The following RGPD3 variants were observed in gnomAD, a reference collection of about 807,000 sequenced individuals.
The protein encoded by RGPD3 is ranBP2-like and GRIP domain-containing protein 3.
In RGPD3, 62 loss-of-function variants were observed where a neutral mutation model predicts 154.5. The ratio of observed to expected loss-of-function variants is 0.40; its 90% CI spans 0.33 to 0.50. The LOEUF (loss-of-function observed/expected upper bound fraction) is 0.50. Ranked by LOEUF, RGPD3 falls within the 20% of genes least tolerant of loss-of-function variation. RGPD3 has a pLI of 0.59. For synonymous variants in RGPD3, 308 were observed against 607.0 expected (o/e 0.51, Z 7.24); for missense variants, 919 against 1,716.8 (o/e 0.54, Z 8.21).
intron 3 of RGPD3, 38 bp from the exon 4 acceptor site, chr2:106,457,161 T>A (rs1218753876): frequency 1.3e-6 from 2 of 1,590,050 alleles, no homozygotes; most frequent in South Asian, 2.3e-5. Flanking sequence ...AGTAAATAAA[T>A]TGTATGTATG....
At chr2:106,442,619 A>C (rs1677785868) in intron 7 of RGPD3, among the ~76,000 whole-genome samples, 1 of 113,274 alleles carries the variant, frequency 8.8e-6, no homozygotes, top group Non-Finnish European at 1.8e-5. Context: ...AACAGGTAGA[A>C]GGCTTGAAGA....
At chr2:106,467,828 G>A (rs1394838998) in intron 1 of RGPD3, among the ~76,000 whole-genome samples, 5 of 139,012 alleles carry the variant, frequency 3.6e-5, no homozygotes, top group Admixed American at 1.4e-4. Flanking sequence ...AACAGAGCGC[G>A]CCAGGGAGCA....
Position 106,423,856 on chromosome 2 carries a change from C to G in RGPD3, c.4111G>C (p.Val1371Leu). ...ATGCCCCTTTCTTTCCATTGACCAACATCTTTATCATATCTGTAGAATTCT... is the reference window on the plus strand; with the variant it reads ...ATGCCCCTTTCTTTCCATTGACCAAGATCTTTATCATATCTGTAGAATTCT... ...RAEFYRYDKD[V>L]GQWKERGIGD... The change falls in exon 20 of 23, where the codon GTT becomes CTT. Residue 1371 changes from valine (V) to leucine (L), a missense_variant. Coordinates refer to ENST00000409886, the MANE Select transcript of RGPD3 (RefSeq NM_001144013.2). 1 of 1,611,968 alleles carries G rather than the reference C, an allele frequency of 6.2e-7. No homozygotes were observed. The highest frequency in any genetic ancestry group is 8.5e-7 in the Non-Finnish European group (1 of 1,179,868).
At chr2:106,467,706 GC>G (rs1678672922) in intron 1 of RGPD3, among the ~76,000 whole-genome samples, 1 of 143,844 alleles carries the variant, frequency 7.0e-6, no homozygotes, top group East Asian at 2.1e-4. Context: ...CAGCCGCCGG[GC>G]CAGGTCGAGG....
chr2:106,444,091 A>G (rs1378982201), intron 7 of RGPD3, among the ~76,000 whole-genome samples: 1 of 131,922 alleles, frequency 7.6e-6, no homozygotes, highest in African/African-American at 2.9e-5. Flanking sequence ...TCCTCTGATT[A>G]AGAGTCTGAA....
rs1235419414 is a variant in RGPD3, at chr2:106,403,697, G to C, written c.*1522C>G. Among the ~76,000 whole-genome samples the C allele has an allele frequency of 6.6e-6, 1 of 152,268 alleles. No individual in the cohort carries two copies. The highest frequency in any genetic ancestry group is 1.5e-5 in the Non-Finnish European group (1 of 68,056). ...TAAAAAAACTAAACTCTTCATGTCG[G>C]CTCTGAAATAGATGCATTTTCATTC... is the stretch of plus-strand genomic sequence containing the variant. On this transcript the variant is annotated 3_prime_UTR_variant, in exon 23 of 23. Transcript: ENST00000409886.
chr2:106,450,662 C>T (rs1340639112), intron 6 of RGPD3, among the ~76,000 whole-genome samples: 8 of 93,380 alleles, frequency 8.6e-5, no homozygotes, highest in African/African-American at 1.3e-4. Context: ...GCCGAGATTG[C>T]GCCACTGTAC....
At chr2:106,411,008 TA>T (rs1480084673) in intron 22 of RGPD3, among the ~76,000 whole-genome samples, 3 of 150,046 alleles carry the variant, frequency 2.0e-5, no homozygotes, top group African/African-American at 4.9e-5. Context: ...AGTATGTCTG[TA>T]AAAAAAATTA....
chr2:106,441,587 A>C (rs1294806907), intron 7 of RGPD3, among the ~76,000 whole-genome samples: 2 of 151,604 alleles, frequency 1.3e-5, no homozygotes, highest in Non-Finnish European at 2.9e-5. Flanking sequence ...GTGGTGGCTC[A>C]CACCTGTAAT....
upstream of RGPD3, chr2:106,470,920 T>C: frequency 3.8e-6 from 6 of 1,573,788 alleles, no homozygotes; most frequent in South Asian, 1.2e-5. Flanking sequence ...AGTCCAGGAA[T>C]AAAAACCTTT....
chr2:106,460,840 T>TAA (rs1159855256), intron 1 of RGPD3, among the ~76,000 whole-genome samples: 7 of 60,462 alleles, frequency 1.2e-4, no homozygotes, highest in African/African-American at 4.0e-4. Flanking sequence ...TTCCATCTCA[T>TAA]AAAAAAAAAA....
rs1461044179 is a variant in RGPD3, at chr2:106,403,930, G to C, written c.*1289C>G. Among the ~76,000 whole-genome samples the C allele has an allele frequency of 6.6e-6, 1 of 152,242 alleles. No individual in the cohort carries two copies. Among genetic ancestry groups the C allele is most frequent in the Admixed American group, 6.5e-5 (1 of 15,282 alleles). ...ACTGAAGGCTTAAGAGAACTTCAGA[G>C]AGCATACTATGTGATTAATACATAA... is the stretch of plus-strand genomic sequence containing the variant. On this transcript the variant is annotated 3_prime_UTR_variant, in exon 23 of 23. Transcript: ENST00000409886.
chr2:106,408,084 TAGAA>T (rs1676567941), intron 22 of RGPD3, among the ~76,000 whole-genome samples: 1 of 73,108 alleles, frequency 1.4e-5, no homozygotes, highest in African/African-American at 5.1e-5. Context: ...ATTTTGCATA[TAGAA>T]GTACTATATG....
chr2:106,470,849 G>A (rs1479048523), upstream of RGPD3: 17 of 1,603,002 alleles, frequency 1.1e-5, no homozygotes, highest in Non-Finnish European at 1.4e-5. Context: ...GAGCACTAAC[G>A]CCATCTAGTG....
chr2:106,466,018 C>T (rs997520684), intron 1 of RGPD3, among the ~76,000 whole-genome samples: 1 of 151,624 alleles, frequency 6.6e-6, no homozygotes, highest in Non-Finnish European at 1.5e-5. Context: ...TCCGCCGCAG[C>T]ATATAAAGTA....
At chr2:106,406,715 G>A (rs1224080136) in intron 22 of RGPD3, among the ~76,000 whole-genome samples, 1 of 152,082 alleles carries the variant, frequency 6.6e-6, no homozygotes, top group East Asian at 1.9e-4. Context: ...ATATTCACAA[G>A]GTTTGTGCAT....
intron 4 of RGPD3, among the ~76,000 whole-genome samples, chr2:106,454,961 T>G (rs1328331363): frequency 6.6e-6 from 1 of 152,150 alleles, no homozygotes; most frequent in African/African-American, 2.4e-5. Context: ...TTCATAGCAG[T>G]TGAACAATAG....
intron 1 of RGPD3, among the ~76,000 whole-genome samples, chr2:106,463,853 A>C (rs1558863323): frequency 6.6e-6 from 1 of 152,092 alleles, no homozygotes. Flanking sequence ...CAAGCAAACC[A>C]AAAAATAAAG....
chr2:106,451,112 GAA>G (rs1678111743), intron 6 of RGPD3, among the ~76,000 whole-genome samples: 1 of 146,044 alleles, frequency 6.8e-6, no homozygotes, highest in African/African-American at 2.5e-5. Flanking sequence ...AAAAAAGAAA[GAA>G]AGAAAGAAAG....
Sources: allele counts gnomAD v4.1 joint callset (sites outside exome capture counted in the v4.1 genomes callset), GRCh38; gene constraint gnomAD v4.1.1; transcripts MANE v1.5; gene names NCBI Gene and HGNC (gene_info 2026-07-23, HGNC 2026-07-21).